SRSF1: variants seen among roughly 807,000 people sequenced by gnomAD.
SRSF1 encodes the protein serine/arginine-rich splicing factor 1.
Under a neutral mutation model 25.9 loss-of-function variants are expected in SRSF1, and 1 was observed. The observed-to-expected ratio is 0.04, with a 90% CI of 0.01 to 0.18. The LOEUF (loss-of-function observed/expected upper bound fraction) is 0.18. Ranked by LOEUF, SRSF1 falls within the 10% of genes least tolerant of loss-of-function variation. The pLI is 1.00. For missense variants in SRSF1, 65 were observed against 350.5 expected (o/e 0.19, Z 6.50); for synonymous variants, 132 against 126.2 (o/e 1.05, Z -0.31).
At chr17:57,997,533 G>A (rs2075369850), downstream of SRSF1, among the ~76,000 whole-genome samples, 1 of 152,238 alleles carries the variant, frequency 6.6e-6, no homozygotes, top group African/African-American at 2.4e-5. Flanking sequence ...GGTAGGGGAA[G>A]ATGTGATTGA....
At position 58,005,073 on chromosome 17, in the gene SRSF1, C is replaced by T; in HGVS notation, c.*333G>A. 1 of 454,110 alleles carries T rather than the reference C, an allele frequency of 2.2e-6. No homozygotes were observed. Among genetic ancestry groups the T allele is most frequent in the Non-Finnish European group, 3.9e-6 (1 of 258,740 alleles). 28.1% of individuals were successfully genotyped at this position (454,110 alleles called of 1,614,324 possible). A position where few individuals can be genotyped will look rare whatever the true frequency, so the allele number is the denominator to read the frequency against. On this transcript the variant is annotated 3_prime_UTR_variant, in exon 4 of 4. Coordinates refer to ENST00000258962, the MANE Select transcript of SRSF1 (RefSeq NM_006924.5). This position sits in a 1 kb window ranked among gnomAD's most constrained non-coding sequence, Gnocchi z 5.2. ...AAAGACACATGAAAAGCAAGATAAA[C>T]ATAAGAACTTCCCCAGGTAAGATAA...
rs2075408766 is a variant in SRSF1, at chr17:58,003,782, T to C, written c.*1624A>G. 1 of 151,108 alleles carries C rather than the reference T, an allele frequency of 6.6e-6. No individual in the cohort carries two copies. Among genetic ancestry groups the C allele is most frequent in the African/African-American group, 2.4e-5 (1 of 40,932 alleles). 9.4% of individuals were successfully genotyped at this position (151,108 alleles called of 1,614,324 possible). On this transcript the variant is annotated 3_prime_UTR_variant, in exon 4 of 4. Transcript: ENST00000258962. Reference sequence around the variant, plus strand: ...TCTTAAGGGCTCCAATCGTCAAAAATAGGAAAAAAAAAATCTTTGGAATAG... The same window carrying C: ...TCTTAAGGGCTCCAATCGTCAAAAACAGGAAAAAAAAAATCTTTGGAATAG...
At chr17:58,006,897 C>A in intron 1 of SRSF1, 47 bp downstream of exon 1, 1 of 1,602,590 alleles carries the variant, frequency 6.2e-7, no homozygotes, top group Non-Finnish European at 8.5e-7. Flanking sequence ...CCTTCCCCAA[C>A]TACTCGGACC....
At chr17:57,995,957 A>C (rs2075362962), downstream of SRSF1, among the ~76,000 whole-genome samples, 1 of 152,224 alleles carries the variant, frequency 6.6e-6, no homozygotes, top group Non-Finnish European at 1.5e-5. Flanking sequence ...TCTGAGAAAC[A>C]GAGCAAGACC....
At position 58,005,219 on chromosome 17, in the gene SRSF1, T is replaced by G. The variant is rs959276872; in HGVS notation, c.*187A>C. ...AAACAATCCTGTCTATGACATCACT[T>G]AAAATACAATTTATCAAAGACACGA... On this transcript the variant is annotated 3_prime_UTR_variant, in exon 4 of 4. Transcript: ENST00000258962. This position sits in a 1 kb window ranked among gnomAD's most constrained non-coding sequence, Gnocchi z 5.2. 1.6e-6 allele frequency: 1 copy of G among 640,370 alleles called. No homozygotes were observed. The highest frequency in any genetic ancestry group is 1.8e-5 in the African/African-American group (1 of 54,638). 39.7% of individuals were successfully genotyped at this position (640,370 alleles called of 1,614,324 possible). A position where few individuals can be genotyped will look rare whatever the true frequency, so the allele number is the denominator to read the frequency against.
Position 58,007,205 on chromosome 17 carries a change from C to A in SRSF1, c.-68G>T, listed in dbSNP as rs1387136066. ...CAAGCCTAGCGCACGGCAGAGCGAG[C>A]CCGCAGCGGCACCACGTCTCCCGCG... is the stretch of plus-strand genomic sequence containing the variant. On this transcript the variant is annotated 5_prime_UTR_variant, in exon 1 of 4. Coordinates refer to ENST00000258962, the MANE Select transcript of SRSF1 (RefSeq NM_006924.5). 2 of 1,572,170 alleles carry A rather than the reference C, an allele frequency of 1.3e-6. No homozygotes were observed. Among genetic ancestry groups the A allele is most frequent in the African/African-American group, 1.3e-5 (1 of 74,262 alleles).
At chr17:57,999,685 A>C (rs1168034845), downstream of SRSF1, among the ~76,000 whole-genome samples, 6 of 152,196 alleles carry the variant, frequency 3.9e-5, no homozygotes, top group Non-Finnish European at 5.9e-5. Context: ...AGCTCCCTCT[A>C]GTGGCTAAGT....
downstream of SRSF1, among the ~76,000 whole-genome samples, chr17:57,997,452 G>A (rs2075369578): frequency 6.6e-6 from 1 of 152,034 alleles, no homozygotes; most frequent in Non-Finnish European, 1.5e-5. Context: ...TTAGCTCATT[G>A]GGAAATATAA....
Position 58,006,973 on chromosome 17 carries a change from G to A in SRSF1, c.165C>T (p.Pro55=), listed in dbSNP as rs746359085. 3 of 1,614,280 alleles carry A rather than the reference G, an allele frequency of 1.9e-6. No homozygotes were observed. Among genetic ancestry groups the A allele is most frequent in the Admixed American group, 1.7e-5 (1 of 60,036 alleles). The change falls in exon 1 of 4, where the codon CCC becomes CCT. Residue 55 remains proline, a synonymous_variant. Coordinates refer to ENST00000258962, the MANE Select transcript of SRSF1 (RefSeq NM_006924.5). ...GGTCCTCGAACTCAACGAAGGCGAA[G>A]GGCGGTCCCCCGCGGCGATTCTTGA... ...IDLKNRRGGP[P]FAFVEFEDPR...
At chr17:58,006,652 A>G in intron 1 of SRSF1, 125 bp from the exon 2 acceptor site, 1 of 1,174,846 alleles carries the variant, frequency 8.5e-7, no homozygotes, top group South Asian at 1.6e-5. Flanking sequence ...GCCGCATAAT[A>G]GGAATGGCCC....
At chr17:57,996,061 T>C (rs1744340136), downstream of SRSF1, among the ~76,000 whole-genome samples, 2 of 152,232 alleles carry the variant, frequency 1.3e-5, no homozygotes, top group Non-Finnish European at 2.9e-5. Flanking sequence ...AAGAACACAG[T>C]GTCTCAGATT....
downstream of SRSF1, among the ~76,000 whole-genome samples, chr17:57,997,278 T>C (rs2143445017): frequency 6.6e-6 from 1 of 152,296 alleles, no homozygotes; most frequent in Admixed American, 6.5e-5. Flanking sequence ...AATTCAAATT[T>C]TCTGGCTTCA....
chr17:57,996,204 G>A (rs543619211), downstream of SRSF1, among the ~76,000 whole-genome samples: 1 of 152,204 alleles, frequency 6.6e-6, no homozygotes, highest in Non-Finnish European at 1.5e-5. Context: ...ACTTTGGGGA[G>A]CCGGGCGCGG....
downstream of SRSF1, among the ~76,000 whole-genome samples, chr17:57,996,547 C>G (rs1464670262): frequency 1.4e-5 from 2 of 140,848 alleles, no homozygotes; most frequent in Non-Finnish European, 3.0e-5. Context: ...GAAAACAAAG[C>G]ATACACATTA....
rs372148208 is a variant in SRSF1 at position 58,007,093 on chromosome 17, A to G, written c.45T>C (p.Asp15=). ...GVIRGPAGNN[D]CRIYVGNLPP... ...GTAAGTTACCCACGTAGATGCGGCA[A>G]TCGTTGTTCCCTGCGGGGCCACGAA... Residue 15 remains aspartate (D), a synonymous_variant, in exon 1 of 4, where the codon GAT becomes GAC. Coordinates refer to ENST00000258962, the MANE Select transcript of SRSF1 (RefSeq NM_006924.5). 3.5e-5 allele frequency: 56 copies of G among 1,614,066 alleles called. No individual in the cohort carries two copies. Among genetic ancestry groups the G allele is most frequent in the Non-Finnish European group, 4.0e-5 (47 of 1,180,050 alleles).
At position 58,001,121 on chromosome 17, in the gene SRSF1, C is replaced by T. The variant is rs1480476421; in HGVS notation, c.*4285G>A. ...CTTTTAATACTATTTATGGTAAATA[C>T]ATATATATAACTTACTTGCAATTTA... On this transcript the variant is annotated 3_prime_UTR_variant, in exon 4 of 4. Transcript: ENST00000258962. Among the ~76,000 whole-genome samples, 1 of 152,068 alleles carries T rather than the reference C, an allele frequency of 6.6e-6. No individual in the cohort carries two copies. Among genetic ancestry groups the T allele is most frequent in the Non-Finnish European group, 1.5e-5 (1 of 68,002 alleles).
chr17:57,990,400 A>C, the SRSF1 span: 2 of 152,176 alleles, frequency 1.3e-5, no homozygotes. Flanking sequence ...TTCTTTAAAA[A>C]AAAATTAACC....
At chr17:58,000,027 C>T (rs2075380218), downstream of SRSF1, among the ~76,000 whole-genome samples, 1 of 152,150 alleles carries the variant, frequency 6.6e-6, no homozygotes, top group African/African-American at 2.4e-5. Context: ...CCCCTGAAAT[C>T]CCAGCCTAGC....
chr17:57,995,751 ATCTGGATTCAAGT>A, the SRSF1 span, among the ~76,000 whole-genome samples: 1 of 152,186 alleles, frequency 6.6e-6, no homozygotes, highest in Non-Finnish European at 1.5e-5. Flanking sequence ...TCACCACAAG[ATCTGGATTCAAGT>A]TCTGGGCCTG....
Sources: allele counts gnomAD v4.1 joint callset (sites outside exome capture counted in the v4.1 genomes callset), GRCh38; gene constraint gnomAD v4.1.1; non-coding constraint Gnocchi (gnomAD v3.1); transcripts MANE v1.5; gene names NCBI Gene and HGNC (gene_info 2026-07-23, HGNC 2026-07-21).